Variants in SDK1 observed in about 807,000 individuals in gnomAD.
SDK1 encodes the protein protein sidekick-1.
SDK1 carries 157 observed loss-of-function variants against 245.5 expected under a neutral mutation model. The ratio of observed to expected loss-of-function variants is 0.64; its 90% CI spans 0.56 to 0.73. SDK1 has a LOEUF of 0.73. Among genes scored for constraint, SDK1 ranks in the 30% least tolerant of loss-of-function variants. The pLI is 0.00. For synonymous variants in SDK1, 1,647 were observed against 1,278.5 expected (o/e 1.29, Z -6.15); for missense variants, 3,583 against 3,002.3 (o/e 1.19, Z -4.52).
At chr7:3,374,810 A>G (rs1207464067) in intron 1 of SDK1, among the ~76,000 whole-genome samples, 2 of 152,078 alleles carry the variant, frequency 1.3e-5, no homozygotes, top group Non-Finnish European at 2.9e-5. Flanking sequence ...AATTTTTCAG[A>G]ATTGATTAGG....
intron 5 of SDK1, among the ~76,000 whole-genome samples, chr7:3,860,677 C>G (rs866894174): frequency 1.3e-5 from 2 of 152,130 alleles, no homozygotes; most frequent in African/African-American, 4.8e-5. Flanking sequence ...ATTAAAATGA[C>G]GTAGCAGTCA....
intron 5 of SDK1, among the ~76,000 whole-genome samples, chr7:3,881,078 T>A (rs569222397): frequency 8.7e-4 from 133 of 152,224 alleles, no homozygotes; most frequent in Non-Finnish European, 1.4e-3. Flanking sequence ...CTTTTTTTTT[T>A]AATCTTTATT....
intron 4 of SDK1, among the ~76,000 whole-genome samples, chr7:3,674,797 T>C (rs1054290389): frequency 5.9e-5 from 9 of 151,998 alleles, no homozygotes; most frequent in South Asian, 2.1e-4. Context: ...CTATAAGGAG[T>C]TGGACAGAGA....
chr7:4,162,454 C>T (rs1470032885), intron 32 of SDK1, among the ~76,000 whole-genome samples: 1 of 151,158 alleles, frequency 6.6e-6, no homozygotes. Flanking sequence ...GGCTGGAGTG[C>T]AGTGGCACAA....
chr7:3,907,865 C>T (rs1348175842), intron 5 of SDK1, among the ~76,000 whole-genome samples: 2 of 152,156 alleles, frequency 1.3e-5, no homozygotes, highest in Admixed American at 6.5e-5. Context: ...ACCATGTCTA[C>T]CCAGTGTGAG....
At chr7:3,370,080 A>G (rs373641602) in intron 1 of SDK1, among the ~76,000 whole-genome samples, 6 of 152,268 alleles carry the variant, frequency 3.9e-5, no homozygotes, top group African/African-American at 1.4e-4. Context: ...TAGTATGAAC[A>G]TCGGCCTAAG....
intron 5 of SDK1, among the ~76,000 whole-genome samples, chr7:3,839,939 ACT>A (rs1193225326): frequency 8.5e-5 from 13 of 152,186 alleles, no homozygotes; most frequent in African/African-American, 2.7e-4. Flanking sequence ...ATCAAATAAA[ACT>A]CTGAATTGAA....
intron 1 of SDK1, among the ~76,000 whole-genome samples, chr7:3,601,902 C>T (rs1781265876): frequency 6.7e-6 from 1 of 148,514 alleles, no homozygotes; most frequent in Non-Finnish European, 1.5e-5. Context: ...TGTTCAATTC[C>T]CACCTATGAA....
intron 1 of SDK1, among the ~76,000 whole-genome samples, chr7:3,323,670 CTT>C (rs1779873182): frequency 1.3e-5 from 2 of 152,152 alleles, no homozygotes; most frequent in Admixed American, 1.3e-4. Flanking sequence ...GTATTTCTGA[CTT>C]ACGTTTTTAG....
intron 1 of SDK1, among the ~76,000 whole-genome samples, chr7:3,395,691 G>C (rs1208509653): frequency 2.0e-5 from 3 of 151,830 alleles, no homozygotes; most frequent in Non-Finnish European, 4.4e-5. Context: ...GATGTATTGA[G>C]ATTTTCTATT....
intron 1 of SDK1, among the ~76,000 whole-genome samples, chr7:3,359,269 C>A (rs531381178): frequency 1.3e-5 from 2 of 152,124 alleles, no homozygotes; most frequent in East Asian, 3.9e-4. Context: ...GAGCAGAGCC[C>A]GGAGGCTTGA....
At chr7:4,053,205 T>G (rs959835583) in intron 19 of SDK1, among the ~76,000 whole-genome samples, 1 of 152,134 alleles carries the variant, frequency 6.6e-6, no homozygotes, top group African/African-American at 2.4e-5. Context: ...TACTAGAGTT[T>G]GGCCGTCGCC....
intron 1 of SDK1, among the ~76,000 whole-genome samples, chr7:3,538,100 A>C (rs1420943788): frequency 6.6e-6 from 1 of 152,156 alleles, no homozygotes; most frequent in Non-Finnish European, 1.5e-5. Flanking sequence ...CTTAGTCCCC[A>C]CATTATAAGG....
intron 38 of SDK1, among the ~76,000 whole-genome samples, chr7:4,214,774 A>G (rs1397156975): frequency 6.6e-6 from 1 of 152,014 alleles, no homozygotes; most frequent in Non-Finnish European, 1.5e-5. Flanking sequence ...TCCAGCCCCC[A>G]CCCAATGGCC....
chr7:3,371,305 G>A (rs966769932), intron 1 of SDK1, among the ~76,000 whole-genome samples: 2 of 152,086 alleles, frequency 1.3e-5, no homozygotes, highest in African/African-American at 2.4e-5. Context: ...ATCTAGATGG[G>A]GCTCTCCTAG....
At chr7:3,450,986 A>C (rs1346562353) in intron 1 of SDK1, among the ~76,000 whole-genome samples, 1 of 152,150 alleles carries the variant, frequency 6.6e-6, no homozygotes, top group African/African-American at 2.4e-5. Flanking sequence ...GATGGCACAG[A>C]GATTTCACAT....
At chr7:3,359,962 A>G (rs1357372960) in intron 1 of SDK1, among the ~76,000 whole-genome samples, 2 of 152,228 alleles carry the variant, frequency 1.3e-5, no homozygotes, top group Admixed American at 1.3e-4. Context: ...TTACAGCAAC[A>G]GACACACTCA....
chr7:3,363,653 A>G (rs76163201), intron 1 of SDK1, among the ~76,000 whole-genome samples: 2 of 152,190 alleles, frequency 1.3e-5, no homozygotes, highest in Non-Finnish European at 2.9e-5. Flanking sequence ...GTCATCAGGC[A>G]TTAGGTTTTC....
At chr7:3,337,352 T>G (rs1332009110) in intron 1 of SDK1, among the ~76,000 whole-genome samples, 1 of 150,846 alleles carries the variant, frequency 6.6e-6, no homozygotes, top group Non-Finnish European at 1.5e-5. Flanking sequence ...ATCTGCCCAA[T>G]GTGAAAAAAA....
Sources: gnomAD v4.1 joint callset for allele counts (sites outside exome capture counted in the v4.1 genomes callset) on GRCh38, gnomAD v4.1.1 for gene constraint, MANE v1.5 for transcripts, NCBI Gene and HGNC (gene_info 2026-07-23, HGNC 2026-07-21) for gene names.